The following PADI1 variants were observed in gnomAD, a reference collection of about 807,000 sequenced individuals.
PADI1 encodes protein-arginine deiminase type-1.
In PADI1, 65 loss-of-function variants were observed where a neutral mutation model predicts 74.8. The observed-to-expected ratio is 0.87, with a 90% CI of 0.71 to 1.07. The LOEUF is 1.07. Among genes scored for constraint, PADI1 ranks in the 50% least tolerant of loss-of-function variants. The pLI, the probability that PADI1 is intolerant of heterozygous loss-of-function variation, is 0.00. For missense variants in PADI1, 943 were observed against 854.0 expected, an observed-to-expected ratio of 1.10 and a Z score of -1.30; for synonymous variants, 371 against 336.2, an observed-to-expected ratio of 1.10 and a Z score of -1.13.
chr1:17,216,665 G>A (rs1267972513), intron 1 of PADI1, among the ~76,000 whole-genome samples: 1 of 152,194 alleles, frequency 6.6e-6, no homozygotes, highest in African/African-American at 2.4e-5. Flanking sequence ...GAGGTCGGGA[G>A]TTCAAGACCA....
chr1:17,205,290 G>C lies in PADI1; in HGVS notation c.73G>C (p.Ala25Pro), dbSNP rs762988364. Residue 25 changes from alanine to proline, a missense_variant, in exon 1 of 16, where the codon GCA becomes CCA. Transcript: ENST00000375471. ...TGCCGTGTGTGTGGTGGGAGTCGAG[G>C]CACATGTGGACATTCACAGGTAAGA... ...THAVCVVGVE[A>P]HVDIHSDVPK... is the part of the protein sequence containing the mutation. The C allele has an allele frequency of 1.2e-6, 2 of 1,613,888 alleles. No homozygotes were observed. Among genetic ancestry groups the C allele is most frequent in the Non-Finnish European group, 1.7e-6 (2 of 1,179,826 alleles).
At position 17,225,896 on chromosome 1, in the gene PADI1, A is replaced by G; in HGVS notation, c.494A>G (p.Asp165Gly). The part of the protein sequence containing the change: ...DRDNHRSAEP[D>G]LTHSWLMSLA... ...GACAATCACAGGTCCGCAGAGCCTG[A>G]CCTCACCCACAGCTGGCTGATGTCG... The change falls in exon 5 of 16, where the codon GAC (aspartate) becomes GGC (glycine). Residue 165 changes from aspartate to glycine, a missense_variant. Coordinates refer to ENST00000375471, the MANE Select transcript of PADI1 (RefSeq NM_013358.3). 6.2e-7 allele frequency: 1 copy of G among 1,613,998 alleles called. No individual in the cohort carries two copies. Among genetic ancestry groups the G allele is most frequent in the Non-Finnish European group, 8.5e-7 (1 of 1,179,970 alleles).
chr1:17,237,485 C>A (rs762442374), intron 12 of PADI1, 27 bp downstream of exon 12: 14 of 1,584,656 alleles, frequency 8.8e-6, no homozygotes, highest in Admixed American at 6.9e-5. Context: ...CCTGCCTGAG[C>A]CACCTCTGCC....
In PADI1 at chr1:17,222,347, CTTCATGGTCTACA is replaced by C; in HGVS notation, c.151_163del (p.Phe51ThrfsTer5). Reference sequence around the variant, plus strand: ...TCTCTGGAAGCTCCGGGGTGGAGGTCTTCATGGTCTACAACCGCACACGTGTGAAAGAGCCCAT... The same window carrying C: ...TCTCTGGAAGCTCCGGGGTGGAGGTCACCGCACACGTGTGAAAGAGCCCAT... On this transcript the variant is annotated frameshift_variant, in exon 2 of 16. Coordinates refer to ENST00000375471, the MANE Select transcript of PADI1 (RefSeq NM_013358.3). LOFTEE classifies it high-confidence loss of function. 4.3e-6 allele frequency: 7 copies of C among 1,614,094 alleles called. No homozygotes were observed. Among genetic ancestry groups the C allele is most frequent in the Non-Finnish European group, 5.9e-6 (7 of 1,179,952 alleles).
chr1:17,206,236 T>C (rs2071679168), intron 1 of PADI1, among the ~76,000 whole-genome samples: 1 of 152,152 alleles, frequency 6.6e-6, no homozygotes, highest in Non-Finnish European at 1.5e-5. Flanking sequence ...AGATCTGAGC[T>C]CCTTTCTCCC....
At chr1:17,211,329 C>CGTGGA (rs1373455478) in intron 1 of PADI1, among the ~76,000 whole-genome samples, 1 of 152,160 alleles carries the variant, frequency 6.6e-6, no homozygotes, top group Non-Finnish European at 1.5e-5. Context: ...TCTCCCTCCA[C>CGTGGA]CATGCCCAGC....
rs754710258 is a variant in PADI1, at chr1:17,237,380, C to T, written c.1380C>T (p.Pro460=). ...TGAAGGCACAGCAGGTGCAGGCACC[C>T]GTGGAGCTCTACTCGGACTGGCTCT... is the stretch of plus-strand genomic sequence containing the variant. ...NFLKAQQVQA[P]VELYSDWLSV... Residue 460 remains proline, a synonymous_variant, in exon 12 of 16, where the codon CCC becomes CCT. Coordinates refer to ENST00000375471, the MANE Select transcript of PADI1 (RefSeq NM_013358.3). 9.3e-6 allele frequency: 15 copies of T among 1,613,630 alleles called. No homozygotes were observed. The East Asian group carries it at 1.1e-4, about 12-fold the overall frequency.
chr1:17,232,943 G>T lies in PADI1; in HGVS notation c.1286G>T (p.Arg429Leu), dbSNP rs191318271. Reference sequence around the variant, plus strand: ...GGCGGCACGGAATACCCCCTGGGCCGGATCCTCATCGGGAGCAGCTTCCCC... The same window carrying T: ...GGCGGCACGGAATACCCCCTGGGCCTGATCCTCATCGGGAGCAGCTTCCCC... ...TVGGTEYPLGRILIGSSFPKS... is the reference protein window; with the variant it reads ...TVGGTEYPLGLILIGSSFPKS... Residue 429 changes from arginine (R) to leucine (L), a missense_variant, in exon 11 of 16, where the codon CGG becomes CTG. By Grantham distance (102) the Arg-to-Leu change is moderately radical. Transcript: ENST00000375471. 6.2e-7 allele frequency: 1 copy of T among 1,609,692 alleles called. No homozygotes were observed. The highest frequency in any genetic ancestry group is 8.5e-7 in the Non-Finnish European group (1 of 1,178,924).
intron 15 of PADI1, among the ~76,000 whole-genome samples, chr1:17,241,182 G>A (rs1470218535): frequency 2.6e-5 from 4 of 152,246 alleles, no homozygotes; most frequent in Non-Finnish European, 5.9e-5. Flanking sequence ...CCCAGTGGGG[G>A]TCCTGTGTCA....
At chr1:17,240,079 A>T in intron 14 of PADI1, 1 of 375,488 alleles carries the variant, frequency 2.7e-6, no homozygotes, top group Non-Finnish European at 5.0e-6. Flanking sequence ...AGTCTGGTGA[A>T]ATGCGAGAGA....
At position 17,205,362 on chromosome 1, in the gene PADI1, G is replaced by C. The variant is rs752746015; in HGVS notation, c.92+53G>C. ...TGCAGAGAGCTGGGTTAGAGTGTAAGTCAATGGGGTGGGTGCCTGGTAGAC... is the reference window on the plus strand; with the variant it reads ...TGCAGAGAGCTGGGTTAGAGTGTAACTCAATGGGGTGGGTGCCTGGTAGAC... On this transcript the variant is annotated intron_variant, in intron 1 of 15. Coordinates refer to ENST00000375471, the MANE Select transcript of PADI1 (RefSeq NM_013358.3). The C allele has an allele frequency of 8.7e-5, 122 of 1,407,190 alleles. 1 individual carries two copies. Among genetic ancestry groups the C allele is most frequent in the Middle Eastern group, 7.0e-4 (4 of 5,682 alleles). The allele number at this position is 1,407,190 out of a possible 1,614,324, so 87.2% of individuals were successfully genotyped here.
At chr1:17,231,099 C>A (rs2072478911) in intron 10 of PADI1, among the ~76,000 whole-genome samples, 1 of 152,178 alleles carries the variant, frequency 6.6e-6, no homozygotes, top group Non-Finnish European at 1.5e-5. Context: ...TGAACACCTA[C>A]TACGTGCCAG....
chr1:17,215,369 C>T (rs1049149786), intron 1 of PADI1, among the ~76,000 whole-genome samples: 1 of 143,960 alleles, frequency 6.9e-6, no homozygotes, highest in African/African-American at 2.6e-5. Flanking sequence ...GTCATTTCTT[C>T]CCCCTTCTTT....
At chr1:17,227,771 C>A (rs1456642969) in intron 6 of PADI1, among the ~76,000 whole-genome samples, 1 of 152,162 alleles carries the variant, frequency 6.6e-6, no homozygotes, top group Non-Finnish European at 1.5e-5. Flanking sequence ...AGGCAGAGGA[C>A]TCAGCTTAAA....
rs1244113458 is a variant in PADI1, at chr1:17,228,797, G to C, written c.825G>C (p.Gly275=). The change falls in exon 7 of 16, where the codon GGG becomes GGC. Residue 275 remains glycine, a splice_region_variant and synonymous_variant. Coordinates refer to ENST00000375471, the MANE Select transcript of PADI1 (RefSeq NM_013358.3). ...VSLSVSLVDP[G]TLPEVTLFTD... Reference sequence around the variant, plus strand: ...TCAGTGTCAGCCTGGTGGACCCGGGGGTGTGTACAGCACTGGGGGGTGGCC... The same window carrying C: ...TCAGTGTCAGCCTGGTGGACCCGGGCGTGTGTACAGCACTGGGGGGTGGCC... 6.2e-7 allele frequency: 1 copy of C among 1,613,880 alleles called. No homozygotes were observed. The highest frequency in any genetic ancestry group is 1.3e-5 in the African/African-American group (1 of 75,032).
chr1:17,238,685 T>A lies in PADI1; in HGVS notation c.1528T>A (p.Tyr510Asn). The A allele has an allele frequency of 6.5e-7, 1 of 1,542,316 alleles. No individual in the cohort carries two copies. Among genetic ancestry groups the A allele is most frequent in the Non-Finnish European group, 8.8e-7 (1 of 1,136,508 alleles). Residue 510 changes from tyrosine (Y) to asparagine (N), a missense_variant, in exon 13 of 16, where the codon TAT becomes AAT. Coordinates refer to ENST00000375471, the MANE Select transcript of PADI1 (RefSeq NM_013358.3). ...KLFQEKKEEGYGEAAQFDGLK... is the reference protein window; with the variant it reads ...KLFQEKKEEGNGEAAQFDGLK... Reference sequence around the variant, plus strand: ...CTTCCAAGAGAAGAAAGAAGAGGGTTATGGGGAGGCAGCCCAGTTTGATGG... The same window carrying A: ...CTTCCAAGAGAAGAAAGAAGAGGGTAATGGGGAGGCAGCCCAGTTTGATGG...
chr1:17,215,911 G>T (rs2071965357), intron 1 of PADI1, among the ~76,000 whole-genome samples: 1 of 152,236 alleles, frequency 6.6e-6, no homozygotes, highest in African/African-American at 2.4e-5. Context: ...GCCATGGGCT[G>T]GAATGAAGCT....
chr1:17,232,380 C>G (rs181813918), intron 10 of PADI1, among the ~76,000 whole-genome samples: 1 of 152,356 alleles, frequency 6.6e-6, no homozygotes, highest in Admixed American at 6.5e-5. Context: ...GCTGGGAGCA[C>G]AGGCTTGCCC....
intron 4 of PADI1, among the ~76,000 whole-genome samples, 186 bp downstream of exon 4, chr1:17,224,614 C>A (rs756987512): frequency 6.6e-6 from 1 of 152,138 alleles, no homozygotes; most frequent in Non-Finnish European, 1.5e-5. Flanking sequence ...ACCCTGTAAC[C>A]GACATGCTGT....
Sources: gnomAD v4.1 joint callset for allele counts (sites outside exome capture counted in the v4.1 genomes callset) on GRCh38, gnomAD v4.1.1 for gene constraint, MANE v1.5 for transcripts, NCBI Gene and HGNC (gene_info 2026-07-23, HGNC 2026-07-21) for gene names.